CIRSR: variants seen among roughly 807,000 people sequenced by gnomAD.
The protein encoded by CIRSR is corepressor of RBPJ and splicing regulator.
At chr2:174,348,289 A>AGCCC in the CIRSR span, 1 of 664,562 alleles carries the variant, frequency 1.5e-6, no homozygotes, top group Non-Finnish European at 2.2e-6. Context: ...TAGCTTACTT[A>AGCCC]CAAATATTTG....
the CIRSR span, among the ~76,000 whole-genome samples, chr2:174,364,978 C>G: frequency 6.6e-6 from 1 of 152,208 alleles, no homozygotes; most frequent in Non-Finnish European, 1.5e-5. Context: ...GCTTGAATTT[C>G]TCCTCAGAAA....
At chr2:174,381,779 T>C in the CIRSR span, 1 of 1,562,152 alleles carries the variant, frequency 6.4e-7, no homozygotes. Flanking sequence ...ATAAGCAATC[T>C]AAGTGAAACA....
At chr2:174,374,607 A>G in the CIRSR span, among the ~76,000 whole-genome samples, 9 of 152,346 alleles carry the variant, frequency 5.9e-5, no homozygotes, top group Non-Finnish European at 1.2e-4. Context: ...CAGCTTGCCT[A>G]AAGTTACACA....
At chr2:174,350,693 G>T in the CIRSR span, 1 of 1,608,886 alleles carries the variant, frequency 6.2e-7, no homozygotes, top group African/African-American at 1.3e-5. Context: ...GGTTGTTAGT[G>T]ACTTTAAAAA....
chr2:174,385,672 G>A, the CIRSR span, among the ~76,000 whole-genome samples: 73 of 151,752 alleles, frequency 4.8e-4, no homozygotes, highest in Middle Eastern at 0.01. Context: ...ATGGATATAC[G>A]AGCCAATCTA....
At chr2:174,388,334 G>A in the CIRSR span, among the ~76,000 whole-genome samples, 4 of 152,142 alleles carry the variant, frequency 2.6e-5, no homozygotes, top group Non-Finnish European at 5.9e-5. Flanking sequence ...GAGTAGCTGG[G>A]ATTACAGGAC....
At chr2:174,387,684 C>A in the CIRSR span, 3 of 1,576,924 alleles carry the variant, frequency 1.9e-6, no homozygotes, top group Non-Finnish European at 2.6e-6. Context: ...GAATTTCTTA[C>A]CTATTATCAT....
At chr2:174,379,498 T>TG in the CIRSR span, among the ~76,000 whole-genome samples, 1 of 152,130 alleles carries the variant, frequency 6.6e-6, no homozygotes, top group Admixed American at 6.6e-5. Flanking sequence ...GCTGCTGCAG[T>TG]GGGAAAGCAG....
the CIRSR span, among the ~76,000 whole-genome samples, chr2:174,384,894 T>G: frequency 8.5e-5 from 13 of 152,336 alleles, no homozygotes; most frequent in Non-Finnish European, 1.5e-4. Flanking sequence ...AAAATCTTTG[T>G]ATGTATCTAG....
At chr2:174,353,466 C>T in the CIRSR span, among the ~76,000 whole-genome samples, 1 of 152,092 alleles carries the variant, frequency 6.6e-6, no homozygotes, top group East Asian at 1.9e-4. Context: ...CAATTAAGAG[C>T]TTTTTGTGTG....
At chr2:174,382,372 C>T in the CIRSR span, among the ~76,000 whole-genome samples, 1 of 152,152 alleles carries the variant, frequency 6.6e-6, no homozygotes, top group Non-Finnish European at 1.5e-5. Context: ...GGCACAGTGG[C>T]TCACACCTGT....
At chr2:174,384,007 C>T in the CIRSR span, among the ~76,000 whole-genome samples, 1 of 152,222 alleles carries the variant, frequency 6.6e-6, no homozygotes, top group East Asian at 1.9e-4. Flanking sequence ...ACCATGTGAT[C>T]CAGCAATTCC....
At chr2:174,350,174 C>T in the CIRSR span, among the ~76,000 whole-genome samples, 1 of 151,428 alleles carries the variant, frequency 6.6e-6, no homozygotes, top group Admixed American at 6.6e-5. Context: ...CAAAACTCTA[C>T]ATACTGAAAG....
At chr2:174,383,004 A>G in the CIRSR span, among the ~76,000 whole-genome samples, 3 of 152,170 alleles carry the variant, frequency 2.0e-5, no homozygotes, top group South Asian at 2.1e-4. Flanking sequence ...AAAAGAAGCA[A>G]AAGGCCACAG....
chr2:174,354,702 T>C, the CIRSR span, among the ~76,000 whole-genome samples: 2 of 103,638 alleles, frequency 1.9e-5, no homozygotes, highest in African/African-American at 7.6e-5. Context: ...AATACATATA[T>C]TATATATAAT....
the CIRSR span, among the ~76,000 whole-genome samples, chr2:174,374,498 A>G: frequency 6.6e-6 from 1 of 152,248 alleles, no homozygotes; most frequent in African/African-American, 2.4e-5. Flanking sequence ...CTGATGTGCA[A>G]GATGTCAAAT....
At chr2:174,383,714 C>T in the CIRSR span, among the ~76,000 whole-genome samples, 60 of 114,376 alleles carry the variant, frequency 5.2e-4, no homozygotes, top group African/African-American at 1.7e-3. Flanking sequence ...AGTGAGACTC[C>T]GTCTCAAAAA....
the CIRSR span, among the ~76,000 whole-genome samples, chr2:174,385,132 T>G: frequency 6.6e-6 from 1 of 151,144 alleles, no homozygotes; most frequent in Non-Finnish European, 1.5e-5. Flanking sequence ...GGAGGATCGC[T>G]TGAACCCAGA....
chr2:174,361,052 A>G, the CIRSR span, among the ~76,000 whole-genome samples: 2 of 152,078 alleles, frequency 1.3e-5, no homozygotes, highest in Non-Finnish European at 2.9e-5. Context: ...GAGACTTATA[A>G]TCAACTATAA....
Sources: allele counts gnomAD v4.1 joint callset (sites outside exome capture counted in the v4.1 genomes callset), GRCh38; gene constraint gnomAD v4.1.1; transcripts MANE v1.5; gene names NCBI Gene and HGNC (gene_info 2026-07-23, HGNC 2026-07-21).